The following SMARCA4 variants were observed in gnomAD, a reference collection of about 807,000 sequenced individuals.
SMARCA4 encodes SWI/SNF related BAF chromatin remodeling complex subunit ATPase 4, also known as SWI/SNF-related matrix-associated actin-dependent regulator of chromatin subfamily A member 4.
A neutral mutation model predicts 193.9 loss-of-function variants in SMARCA4; 31 were observed. The ratio of observed to expected loss-of-function variants is 0.16; its 90% CI spans 0.12 to 0.22. The LOEUF (loss-of-function observed/expected upper bound fraction) is 0.22. SMARCA4 is among the 10% of genes least tolerant of loss of function. The pLI, the probability that SMARCA4 is intolerant of heterozygous loss-of-function variation, is 1.00. For synonymous variants in SMARCA4, 942 were observed against 933.1 expected, an observed-to-expected ratio of 1.01 and a Z score of -0.17; for missense variants, 1,148 against 2,296.0, an observed-to-expected ratio of 0.50 and a Z score of 10.22.
intron 30 of SMARCA4, among the ~76,000 whole-genome samples, chr19:11,046,120 G>C (rs2075895977): frequency 6.6e-6 from 1 of 151,980 alleles, no homozygotes; most frequent in Admixed American, 6.6e-5. Flanking sequence ...ATACTCGAGA[G>C]GCTGAGGCAG....
At chr19:11,060,357 G>C (rs2076796576) in intron 34 of SMARCA4, 170 bp downstream of exon 34, 6 of 827,270 alleles carry the variant, frequency 7.3e-6, no homozygotes, top group Middle Eastern at 3.5e-4. Context: ...GTATGTGGCA[G>C]GGCTGCCACT....
At position 10,991,164 on chromosome 19, in the gene SMARCA4, G is replaced by T. The variant is rs778628081; in HGVS notation, c.1260G>T (p.Val420=). 1 of 1,613,652 alleles carries T rather than the reference G, an allele frequency of 6.2e-7. No individual in the cohort carries two copies. The highest frequency in any genetic ancestry group is 2.2e-5 in the East Asian group (1 of 44,898). Reference sequence around the variant, plus strand: ...CCCTCCTACAGCTGCGCCAGGAGGTGGTGGTGTGCATGCGGAGGGACACAG... The same window carrying T: ...CCCTCCTACAGCTGCGCCAGGAGGTTGTGGTGTGCATGCGGAGGGACACAG... ...LNFQRQLRQE[V]VVCMRRDTAL... is the part of the protein sequence containing the mutation. Residue 420 remains valine (V), a synonymous_variant, in exon 8 of 35, where the codon GTG becomes GTT. Coordinates refer to ENST00000344626, the MANE Select transcript of SMARCA4 (RefSeq NM_003072.5).
chr19:10,989,535 T>G, intron 7 of SMARCA4, 92 bp downstream of exon 7: 1 of 1,445,838 alleles, frequency 6.9e-7, no homozygotes, highest in Non-Finnish European at 9.7e-7. Context: ...TGGCTAGTAT[T>G]ACACCTGCCT....
At chr19:10,972,206 G>A (rs781132150) in intron 1 of SMARCA4, among the ~76,000 whole-genome samples, 16 of 151,992 alleles carry the variant, frequency 1.1e-4, no homozygotes, top group Non-Finnish European at 2.1e-4. Flanking sequence ...TTATCCACTC[G>A]TCTTGGCCTC....
At position 11,033,913 on chromosome 19, in the gene SMARCA4, C is replaced by T. The variant is rs780278061; in HGVS notation, c.3873+48C>T. The T allele has an allele frequency of 1.7e-5, 13 of 763,112 alleles. No homozygotes were observed. The highest frequency in any genetic ancestry group is 1.0e-4 in the African/African-American group (6 of 58,890). 47.3% of individuals were successfully genotyped at this position (763,112 alleles called of 1,614,324 possible). ...CATGCCCATTCAATCCTCGGCTTCT[C>T]GGCTGAGACGGCCAGCAAGGGCCCT... is the stretch of plus-strand genomic sequence containing the variant. On this transcript the variant is annotated intron_variant, in intron 27 of 34. Transcript: ENST00000344626. This position sits in a 1 kb window ranked among gnomAD's most constrained non-coding sequence, Gnocchi z 9.8.
rs955571639 is a variant in SMARCA4 at position 11,026,341 on chromosome 19, C to T, written c.3210C>T (p.Val1070=). The change falls in exon 23 of 35, where the codon GTC becomes GTT. Residue 1070 remains valine (V), a synonymous_variant. Coordinates refer to ENST00000344626, the MANE Select transcript of SMARCA4 (RefSeq NM_003072.5). ...SEHLGFTGGI[V]QGLDLYRASG... is the part of the protein sequence containing the mutation. ...ACTTGGGGTTCACTGGCGGCATTGT[C>T]CAAGGGTGAGAAGCTTCCCAACTGG... 1 of 1,613,744 alleles carries T rather than the reference C, an allele frequency of 6.2e-7. No homozygotes were observed. Among genetic ancestry groups the T allele is most frequent in the African/African-American group, 1.3e-5 (1 of 75,028 alleles).
intron 1 of SMARCA4, among the ~76,000 whole-genome samples, chr19:10,969,588 A>G (rs2084517038): frequency 6.6e-6 from 1 of 150,954 alleles, no homozygotes; most frequent in African/African-American, 2.4e-5. Flanking sequence ...GCACCACCAC[A>G]CCTGGCTAAT....
At chr19:10,969,181 A>G (rs1223431577) in intron 1 of SMARCA4, among the ~76,000 whole-genome samples, 2 of 152,142 alleles carry the variant, frequency 1.3e-5, no homozygotes, top group African/African-American at 4.8e-5. Flanking sequence ...CAGGGGCTGA[A>G]CCCCGGCCCT....
intron 1 of SMARCA4, among the ~76,000 whole-genome samples, chr19:10,961,972 ATTTTTTT>A (rs1291248772): frequency 3.3e-5 from 4 of 121,774 alleles, no homozygotes; most frequent in African/African-American, 6.2e-5. Flanking sequence ...ACCAGTCTTG[ATTTTTTT>A]TTTTTTTTTT....
At chr19:11,039,525 G>A in intron 29 of SMARCA4, 1 of 1,604,108 alleles carries the variant, frequency 6.2e-7, no homozygotes, top group Non-Finnish European at 8.5e-7. Flanking sequence ...TTCCAGCGTG[G>A]CCTTCAGTTC....
chr19:11,036,778 C>T (rs1011061513), intron 29 of SMARCA4, among the ~76,000 whole-genome samples: 10 of 152,162 alleles, frequency 6.6e-5, no homozygotes, highest in African/African-American at 2.4e-4. Flanking sequence ...AGCCCTGCCC[C>T]GATTTGCCAT....
At chr19:10,977,233 AGT>A (rs1338235007) in intron 1 of SMARCA4, among the ~76,000 whole-genome samples, 1 of 152,126 alleles carries the variant, frequency 6.6e-6, no homozygotes, top group Non-Finnish European at 1.5e-5. Flanking sequence ...AGGGGAAGCC[AGT>A]CTGTTGTTCC....
rs2086890897 is a variant in SMARCA4, at chr19:10,995,010, C to T, written c.1593+9C>T. 1 of 1,606,374 alleles carries T rather than the reference C, an allele frequency of 6.2e-7. No homozygotes were observed. The highest frequency in any genetic ancestry group is 1.3e-5 in the African/African-American group (1 of 74,872). On this transcript the variant is annotated intron_variant, in intron 9 of 34. Transcript: ENST00000344626. ...GCATGCGGAGGCTCATGGTATGGTC[C>T]TGCCTTCTTGACGTGCGCTCTTCTA...
intron 15 of SMARCA4, 90 bp downstream of exon 15, chr19:11,010,621 T>C (rs997831410): frequency 4.0e-6 from 5 of 1,263,856 alleles, no homozygotes; most frequent in Middle Eastern, 2.0e-4. Flanking sequence ...CAGGCAGACC[T>C]GAGTTCACCT....
In SMARCA4 at chr19:11,019,798, C is replaced by T. The variant is rs949100885; in HGVS notation, c.2616+97C>T. On this transcript the variant is annotated intron_variant, in intron 18 of 34. Coordinates refer to ENST00000344626, the MANE Select transcript of SMARCA4 (RefSeq NM_003072.5). The surrounding 1 kb of genome is among the most constrained non-coding windows in gnomAD (Gnocchi z 6.1). The stretch of plus-strand genomic sequence containing the variant: ...TCCAAAGCCCCTACAAGTTTCTTCC[C>T]GGAGTCCCACCTGCATGTGCGTGAA... 4.3e-5 allele frequency: 37 copies of T among 858,492 alleles called. No individual in the cohort carries two copies. The highest frequency in any genetic ancestry group is 2.8e-4 in the African/African-American group (17 of 60,084). 53.2% of individuals were successfully genotyped at this position (858,492 alleles called of 1,614,324 possible).
chr19:11,034,043 A>ACGC lies in SMARCA4; in HGVS notation c.3874-73_3874-71dup, dbSNP rs1221547468. On this transcript the variant is annotated intron_variant, in intron 27 of 34. Transcript: ENST00000344626. The surrounding 1 kb of genome is among the most constrained non-coding windows in gnomAD (Gnocchi z 7.0). ...CGGGACCACCAGCTCATTCCCACGG[A>ACGC]CGCCGCCGCTCGCCTCTGAGCTCGG... 1 of 1,079,838 alleles carries ACGC rather than the reference A, an allele frequency of 9.3e-7. No homozygotes were observed. The highest frequency in any genetic ancestry group is 1.4e-6 in the Non-Finnish European group (1 of 696,152). The allele number at this position is 1,079,838 out of a possible 1,614,324, so 66.9% of individuals were successfully genotyped here.
Position 10,984,178 on chromosome 19 carries a change from C to A in SMARCA4, c.27C>A (p.Gly9=), listed in dbSNP as rs372102929. ...TGTCCACTCCAGACCCACCCCTGGG[C>A]GGAACTCCTCGGCCAGGTCCTTCCC... MSTPDPPL[G]GTPRPGPSPG... is the part of the protein sequence containing the mutation. Residue 9 remains glycine (G), a synonymous_variant, in exon 2 of 35, where the codon GGC becomes GGA. Coordinates refer to ENST00000344626, the MANE Select transcript of SMARCA4 (RefSeq NM_003072.5). The surrounding 1 kb of genome is among the most constrained non-coding windows in gnomAD (Gnocchi z 4.3). 2 of 1,613,458 alleles carry A rather than the reference C, an allele frequency of 1.2e-6. No individual in the cohort carries two copies. The highest frequency in any genetic ancestry group is 1.7e-5 in the Admixed American group (1 of 60,024).
At chr19:11,007,318 T>C (rs939332299) in intron 13 of SMARCA4, among the ~76,000 whole-genome samples, 2 of 151,062 alleles carry the variant, frequency 1.3e-5, no homozygotes, top group Non-Finnish European at 2.9e-5. Context: ...TAATCCCAGC[T>C]ACTTGGGAGG....
At chr19:11,020,063 T>C (rs1283177869) in intron 18 of SMARCA4, among the ~76,000 whole-genome samples, 1 of 152,112 alleles carries the variant, frequency 6.6e-6, no homozygotes, top group African/African-American at 2.4e-5. Flanking sequence ...TCTCATTGCC[T>C]TGGCCGTCCC....
Sources: gnomAD v4.1 joint callset for allele counts (sites outside exome capture counted in the v4.1 genomes callset) on GRCh38, gnomAD v4.1.1 for gene constraint, Gnocchi (gnomAD v3.1) non-coding constraint, MANE v1.5 for transcripts, NCBI Gene and HGNC (gene_info 2026-07-23, HGNC 2026-07-21) for gene names.